BCO1: variants seen among roughly 807,000 people sequenced by gnomAD.
BCO1 encodes beta-carotene oxygenase 1, also known as beta,beta-carotene 15,15'-dioxygenase.
A neutral mutation model predicts 56.3 loss-of-function variants in BCO1; 54 were observed. The ratio of observed to expected loss-of-function variants is 0.96; its 90% CI spans 0.77 to 1.20. BCO1 has a LOEUF of 1.20. Ranked by LOEUF, BCO1 falls within the 50% of genes most tolerant of loss-of-function variation. The pLI, the probability that BCO1 is intolerant of heterozygous loss-of-function variation, is 0.00. For missense variants in BCO1, 801 were observed against 690.9 expected, an observed-to-expected ratio of 1.16 and a Z score of -1.79; for synonymous variants, 318 against 266.1, an observed-to-expected ratio of 1.20 and a Z score of -1.90.
chr16:81,272,711 A>G (rs544992353), intron 7 of BCO1, among the ~76,000 whole-genome samples: 37 of 152,362 alleles, frequency 2.4e-4, no homozygotes, highest in African/African-American at 8.7e-4. Context: ...ATTTAAGTGA[A>G]ACCAAATTCA....
intron 8 of BCO1, among the ~76,000 whole-genome samples, chr16:81,285,160 A>T (rs559152992): frequency 6.6e-6 from 1 of 152,186 alleles, no homozygotes; most frequent in African/African-American, 2.4e-5. Context: ...TTCTCATCAC[A>T]TATGTGCACA....
Position 81,245,618 on chromosome 16 carries a change from G to A in BCO1, c.193+15G>A, listed in dbSNP as rs758878761. The A allele has an allele frequency of 2.2e-5, 35 of 1,613,944 alleles. No individual in the cohort carries two copies. Among genetic ancestry groups the A allele is most frequent in the Middle Eastern group, 1.6e-4 (1 of 6,076 alleles). ...CATCAGAGACGGTGAGAACACCCAC[G>A]AGTGTGCTGCCACTGCTGCAGCAAA... On this transcript the variant is annotated intron_variant, in intron 2 of 10. Coordinates refer to ENST00000258168, the MANE Select transcript of BCO1 (RefSeq NM_017429.3).
At position 81,258,006 on chromosome 16, in the gene BCO1, C is replaced by G. The variant is rs532740855; in HGVS notation, c.194-1670C>G. 2.0e-5 allele frequency among the ~76,000 whole-genome samples: 3 copies of G among 152,156 alleles called. No individual in the cohort carries two copies. The East Asian group carries it at 5.8e-4, about 29-fold the overall frequency. ...TCAAGAGAGAAGCAGGAGCGTCAGCCTCAGAGGAGATGTGATACCGGGACA... is the reference window on the plus strand; with the variant it reads ...TCAAGAGAGAAGCAGGAGCGTCAGCGTCAGAGGAGATGTGATACCGGGACA... On this transcript the variant is annotated intron_variant, in intron 2 of 10. Coordinates refer to ENST00000258168, the MANE Select transcript of BCO1 (RefSeq NM_017429.3).
At chr16:81,285,128 C>T (rs1188113824) in intron 8 of BCO1, among the ~76,000 whole-genome samples, 3 of 152,228 alleles carry the variant, frequency 2.0e-5, no homozygotes, top group Non-Finnish European at 4.4e-5. Context: ...GCATGAGCCA[C>T]TGCGCCCAGC....
chr16:81,262,801 T>TGG, intron 4 of BCO1: 3 of 154,308 alleles, frequency 1.9e-5, no homozygotes, highest in South Asian at 1.8e-4. Flanking sequence ...CACTCCAGCC[T>TGG]GCATGACAGA....
At chr16:81,273,873 C>T (rs865884684) in intron 7 of BCO1, among the ~76,000 whole-genome samples, 3 of 152,166 alleles carry the variant, frequency 2.0e-5, no homozygotes, top group Admixed American at 2.0e-4. Context: ...TTAAAGACAT[C>T]GTGGCACCGC....
At chr16:81,246,183 C>G (rs1192492036) in intron 2 of BCO1, among the ~76,000 whole-genome samples, 1 of 152,082 alleles carries the variant, frequency 6.6e-6, no homozygotes, top group Non-Finnish European at 1.5e-5. Context: ...ATCTCTCTCT[C>G]TCTCCTTCCA....
rs1356326722 is a variant in BCO1, at chr16:81,287,343, G to A, written c.1351G>A (p.Asp451Asn). Residue 451 changes from aspartate (D) to asparagine (N), a missense_variant, in exon 10 of 11, where the codon GAC becomes AAC. Transcript: ENST00000258168. The stretch of plus-strand genomic sequence containing the variant: ...AAAGTCATCCTTAAAATGGAGAGAG[G>A]ACGACTGCTGGCCAGCGGAACCCCT... ...LTKSSLKWREDDCWPAEPLFV... is the reference protein window; with the variant it reads ...LTKSSLKWRENDCWPAEPLFV... 1 of 1,613,982 alleles carries A rather than the reference G, an allele frequency of 6.2e-7. No homozygotes were observed. The highest frequency in any genetic ancestry group is 8.5e-7 in the Non-Finnish European group (1 of 1,180,030).
intron 2 of BCO1, among the ~76,000 whole-genome samples, chr16:81,247,358 T>C (rs1472062347): frequency 7.2e-5 from 11 of 152,152 alleles, no homozygotes; most frequent in African/African-American, 2.4e-4. Flanking sequence ...TGGTAGATGC[T>C]TAAGAGATTA....
rs8046477 is a variant in BCO1 at position 81,287,282 on chromosome 16, G to C, written c.1303-13G>C. ...ACAAGTCATTTATGTGTTTTTCCTC[G>C]TTGGATGTACAGATAATAAAATATG... On this transcript the variant is annotated splice_polypyrimidine_tract_variant and intron_variant, in intron 9 of 10. Transcript: ENST00000258168. 7 of 1,576,382 alleles carry C rather than the reference G, an allele frequency of 4.4e-6. No homozygotes were observed. In the African/African-American group the frequency reaches 8.1e-5, roughly 18 times the overall value.
intron 4 of BCO1, chr16:81,263,406 T>C (rs1332406892): frequency 6.6e-6 from 1 of 152,236 alleles, no homozygotes; most frequent in African/African-American, 2.4e-5. Flanking sequence ...CTGCCTTTTA[T>C]AGAGACACAA....
At chr16:81,255,905 A>C (rs1567702447) in intron 2 of BCO1, among the ~76,000 whole-genome samples, 1 of 151,898 alleles carries the variant, frequency 6.6e-6, no homozygotes, top group Non-Finnish European at 1.5e-5. Flanking sequence ...GGCTCACTGC[A>C]AGCTCCGCCT....
Position 81,251,062 on chromosome 16 carries a change from T to C in BCO1, c.193+5459T>C, listed in dbSNP as rs116685674. Among the ~76,000 whole-genome samples the C allele has an allele frequency of 5.6e-3, 855 of 152,274 alleles. 9 individuals are homozygous for C. Among genetic ancestry groups the C allele is most frequent in the African/African-American group, 0.02 (823 of 41,554 alleles). On this transcript the variant is annotated intron_variant, in intron 2 of 10. Transcript: ENST00000258168. ...GGCCTAACCAAAACCATGTTATTAA[T>C]ACTAATAATCAGAAGAACCATGGGC...
Position 81,290,669 on chromosome 16 carries a change from T to A in BCO1, c.*92T>A. On this transcript the variant is annotated 3_prime_UTR_variant, in exon 11 of 11. Transcript: ENST00000258168. ...ATGGAGGGGAGGGCCTTTGTTACCT[T>A]TTGCACTTATTCTTTCTGTGGGTGC... 1.0e-6 allele frequency: 1 copy of A among 1,004,404 alleles called. No homozygotes were observed. The highest frequency in any genetic ancestry group is 2.4e-5 in the East Asian group (1 of 41,352). The allele number at this position is 1,004,404 out of a possible 1,614,324, so 62.2% of individuals were successfully genotyped here.
At chr16:81,284,288 A>G (rs1212928363) in intron 8 of BCO1, among the ~76,000 whole-genome samples, 4 of 28,636 alleles carry the variant, frequency 1.4e-4, no homozygotes, top group African/African-American at 3.7e-4. Context: ...ATATAAATAT[A>G]TATTTATATA....
chr16:81,265,204 TCACCCATCCACCATCCGTC>T lies in BCO1; in HGVS notation c.619+430_619+448del, dbSNP rs373996359. On this transcript the variant is annotated intron_variant, in intron 5 of 10. Transcript: ENST00000258168. Reference sequence around the variant, plus strand: ...TACCCACCATTCATCCACCTATCCATCACCCATCCACCATCCGTCCACCCATCCACCTATCCACCCCTTA... The same window carrying T: ...TACCCACCATTCATCCACCTATCCATCACCCATCCACCTATCCACCCCTTA... 2.9e-3 allele frequency among the ~76,000 whole-genome samples: 441 copies of T among 150,166 alleles called. 3 individuals carry two copies. The highest frequency in any genetic ancestry group is 0.01 in the African/African-American group (425 of 40,724).
intron 8 of BCO1, among the ~76,000 whole-genome samples, chr16:81,284,226 ATATTTT>A (rs1567465594): frequency 2.9e-4 from 39 of 133,240 alleles, no homozygotes; most frequent in African/African-American, 1.1e-3. Flanking sequence ...ATATATATAT[ATATTTT>A]TATATATTTA....
intron 7 of BCO1, among the ~76,000 whole-genome samples, 193 bp downstream of exon 7, chr16:81,270,609 G>A (rs1907135514): frequency 7.0e-6 from 1 of 142,742 alleles, no homozygotes; most frequent in Non-Finnish European, 1.6e-5. Context: ...TAAGTAAAAA[G>A]GAGAAAAAAA....
intron 7 of BCO1, among the ~76,000 whole-genome samples, chr16:81,270,709 T>TGTGTGTGTGTGTGC (rs1907150590): frequency 6.6e-6 from 1 of 151,534 alleles, no homozygotes; most frequent in Admixed American, 6.6e-5. Context: ...TGTGTGTGTG[T>TGTGTGTGTGTGTGC]GTGTGTGTGT....
Sources: allele counts gnomAD v4.1 joint callset (sites outside exome capture counted in the v4.1 genomes callset), GRCh38; gene constraint gnomAD v4.1.1; transcripts MANE v1.5; gene names NCBI Gene and HGNC (gene_info 2026-07-23, HGNC 2026-07-21).